The following ZNG1E variants were observed in gnomAD, a reference collection of about 807,000 sequenced individuals.
ZNG1E encodes the protein zinc-regulated GTPase metalloprotein activator 1E.
At chr9:65,660,828 G>GATATATATATATATATATAT in the ZNG1E span, among the ~76,000 whole-genome samples, 4 of 130,324 alleles carry the variant, frequency 3.1e-5, no homozygotes, top group East Asian at 4.6e-4. Context: ...TGGTTATACA[G>GATATATATATATATATATAT]ATATATATAT....
chr9:65,662,988 C>A, the ZNG1E span, among the ~76,000 whole-genome samples: 1 of 152,232 alleles, frequency 6.6e-6, no homozygotes, highest in Non-Finnish European at 1.5e-5. Flanking sequence ...TATTACTCTG[C>A]TCATTTAAGA....
the ZNG1E span, among the ~76,000 whole-genome samples, chr9:65,714,636 C>T: frequency 1.3e-5 from 2 of 152,112 alleles, no homozygotes; most frequent in African/African-American, 2.4e-5. Flanking sequence ...TGTTGGAGTA[C>T]CCGGCCGTGT....
chr9:65,663,146 T>A, the ZNG1E span, among the ~76,000 whole-genome samples: 2 of 152,282 alleles, frequency 1.3e-5, no homozygotes, highest in African/African-American at 4.8e-5. Context: ...ATATTGCTTT[T>A]CTCTCCAATG....
At chr9:65,726,536 AGAT>A in the ZNG1E span, among the ~76,000 whole-genome samples, 3 of 42,306 alleles carry the variant, frequency 7.1e-5, 1 homozygote, top group African/African-American at 2.2e-4. Flanking sequence ...TCAATGAACT[AGAT>A]AGCATAAATA....
the ZNG1E span, chr9:65,682,244 A>C: frequency 2.0e-4 from 31 of 151,298 alleles, no homozygotes; most frequent in Middle Eastern, 3.4e-3. Context: ...TTTGTGTCAA[A>C]TGTTTTGGCA....
At chr9:65,712,619 A>G in the ZNG1E span, among the ~76,000 whole-genome samples, 129 of 79,246 alleles carry the variant, frequency 1.6e-3, no homozygotes, top group African/African-American at 6.5e-3. Flanking sequence ...TGTACCCAGT[A>G]GTCATTCAGG....
chr9:65,710,733 T>A, the ZNG1E span, among the ~76,000 whole-genome samples: 59 of 149,766 alleles, frequency 3.9e-4, no homozygotes, highest in African/African-American at 1.3e-3. Flanking sequence ...TTGGTACCAG[T>A]ACCATGCTGT....
the ZNG1E span, among the ~76,000 whole-genome samples, chr9:65,714,221 A>C: frequency 6.7e-6 from 1 of 148,552 alleles, no homozygotes; most frequent in African/African-American, 2.6e-5. Context: ...TCCTTTAAGC[A>C]CTTCTCTGTA....
the ZNG1E span, among the ~76,000 whole-genome samples, chr9:65,710,841 C>CT: frequency 1.4e-5 from 2 of 147,406 alleles, no homozygotes; most frequent in East Asian, 2.0e-4. Context: ...GATGCGGGCT[C>CT]TTTTTTGGTT....
the ZNG1E span, among the ~76,000 whole-genome samples, chr9:65,709,688 T>C: frequency 1.0e-4 from 14 of 138,906 alleles, no homozygotes; most frequent in Admixed American, 2.2e-4. Context: ...GAACTCATCC[T>C]TTTTTATGGC....
the ZNG1E span, among the ~76,000 whole-genome samples, chr9:65,662,188 C>A: frequency 6.6e-6 from 1 of 152,320 alleles, no homozygotes; most frequent in East Asian, 1.9e-4. Context: ...TGAATTTAAC[C>A]ATGCTGAAAC....
chr9:65,714,677 C>T, the ZNG1E span, among the ~76,000 whole-genome samples: 1 of 152,018 alleles, frequency 6.6e-6, no homozygotes, highest in African/African-American at 2.4e-5. Context: ...CTAGGGGGTG[C>T]CTCCCAGTTA....
chr9:65,686,560 C>T, the ZNG1E span, among the ~76,000 whole-genome samples: 208 of 151,774 alleles, frequency 1.4e-3, no homozygotes, highest in Non-Finnish European at 2.5e-3. Flanking sequence ...GGCTTGAACC[C>T]GGGAGGCGGA....
chr9:65,721,003 G>C, the ZNG1E span, among the ~76,000 whole-genome samples: 1 of 149,794 alleles, frequency 6.7e-6, no homozygotes, highest in South Asian at 2.1e-4. Flanking sequence ...AGTTCTTTAT[G>C]ATAGTCGGTA....
At chr9:65,658,190 A>G in the ZNG1E span, among the ~76,000 whole-genome samples, 17 of 150,338 alleles carry the variant, frequency 1.1e-4, no homozygotes, top group African/African-American at 4.0e-4. Flanking sequence ...CAATTGATTC[A>G]CAACTTTAAA....
the ZNG1E span, among the ~76,000 whole-genome samples, chr9:65,666,737 C>T: frequency 6.7e-6 from 1 of 148,598 alleles, no homozygotes; most frequent in Non-Finnish European, 1.5e-5. Context: ...ATTTCATGAA[C>T]AAAAATACAT....
chr9:65,661,772 TAC>T, the ZNG1E span, among the ~76,000 whole-genome samples: 1 of 152,340 alleles, frequency 6.6e-6, no homozygotes, highest in African/African-American at 2.4e-5. Context: ...AGATTAATTG[TAC>T]ACAGACACAA....
chr9:65,671,566 C>T, the ZNG1E span, among the ~76,000 whole-genome samples: 287 of 152,216 alleles, frequency 1.9e-3, no homozygotes, highest in South Asian at 0.019. Flanking sequence ...GTGATCCACC[C>T]GCCCTGGCTT....
At chr9:65,658,157 TA>T in the ZNG1E span, among the ~76,000 whole-genome samples, 9 of 148,976 alleles carry the variant, frequency 6.0e-5, no homozygotes, top group East Asian at 2.0e-4. Context: ...TATGTACCAA[TA>T]AAAGTAAAAA....
Sources: gnomAD v4.1 joint callset for allele counts (sites outside exome capture counted in the v4.1 genomes callset) on GRCh38, gnomAD v4.1.1 for gene constraint, MANE v1.5 for transcripts, NCBI Gene and HGNC (gene_info 2026-07-23, HGNC 2026-07-21) for gene names.